The following TDRD7 variants were observed in gnomAD, a reference collection of about 807,000 sequenced individuals.
TDRD7 encodes the protein tudor domain-containing protein 7.
In TDRD7, 47 loss-of-function variants were observed where a neutral mutation model predicts 109.8. The ratio of observed to expected loss-of-function variants is 0.43; its 90% CI spans 0.34 to 0.55. The LOEUF (loss-of-function observed/expected upper bound fraction) is 0.55, where lower values mean the gene tolerates loss of function less well. Ranked by LOEUF, TDRD7 falls within the 20% of genes least tolerant of loss-of-function variation. The pLI, the probability that TDRD7 is intolerant of heterozygous loss-of-function variation, is 0.03. For missense variants in TDRD7, 1,164 were observed against 1,319.2 expected (o/e 0.88, Z 1.82); for synonymous variants, 424 against 457.3 (o/e 0.93, Z 0.93).
At chr9:97,453,439 A>G (rs570347540) in intron 6 of TDRD7, among the ~76,000 whole-genome samples, 20 of 152,166 alleles carry the variant, frequency 1.3e-4, no homozygotes, top group Admixed American at 1.2e-3. Context: ...AAAAACCATA[A>G]TAAGTGTGTG....
At chr9:97,425,222 G>A (rs1827967163) in intron 1 of TDRD7, among the ~76,000 whole-genome samples, 1 of 152,100 alleles carries the variant, frequency 6.6e-6, no homozygotes, top group Non-Finnish European at 1.5e-5. Flanking sequence ...TATAAAATGA[G>A]TTAATTTTAT....
At chr9:97,490,558 G>GT (rs893225460) in intron 16 of TDRD7, among the ~76,000 whole-genome samples, 4 of 137,232 alleles carry the variant, frequency 2.9e-5, no homozygotes, top group Non-Finnish European at 4.7e-5. Context: ...GTGGGGGGGG[G>GT]GGCATTTATC....
intron 3 of TDRD7, 79 bp from the exon 4 acceptor site, chr9:97,431,946 A>G (rs934381642): frequency 6.1e-6 from 8 of 1,306,290 alleles, no homozygotes; most frequent in African/African-American, 2.9e-5. Flanking sequence ...CACAGAAAAC[A>G]TCTGGTCAGG....
intron 1 of TDRD7, among the ~76,000 whole-genome samples, chr9:97,418,081 C>T (rs564644154): frequency 2.6e-5 from 4 of 152,176 alleles, no homozygotes; most frequent in East Asian, 3.9e-4. Context: ...GCGGAGATCA[C>T]GCCACTGCCC....
In TDRD7 at chr9:97,490,034, GCACA is replaced by G. The variant is rs139007849; in HGVS notation, c.3076+2714_3076+2717del. ...CAGATACATGCACATGTGCACACGT[GCACA>G]CACACACACACGCATACAGAATCAA... On this transcript the variant is annotated intron_variant, in intron 16 of 16. Coordinates refer to ENST00000355295, the MANE Select transcript of TDRD7 (RefSeq NM_014290.3). 1.4e-4 allele frequency among the ~76,000 whole-genome samples: 21 copies of G among 151,166 alleles called. No individual in the cohort carries two copies. The East Asian group carries it at 2.3e-3, about 17-fold the overall frequency.
intron 16 of TDRD7, among the ~76,000 whole-genome samples, chr9:97,494,556 TTTGC>T (rs1339402744): frequency 2.0e-5 from 3 of 152,138 alleles, no homozygotes; most frequent in Non-Finnish European, 4.4e-5. Context: ...ATTTAGCCCA[TTTGC>T]TATATAGATA....
At chr9:97,480,669 GCAGATGCTCAAAC>G (rs1829100812) in intron 13 of TDRD7, 146 bp from the exon 14 acceptor site, 2 of 692,270 alleles carry the variant, frequency 2.9e-6, no homozygotes, top group Non-Finnish European at 5.3e-6. Flanking sequence ...TAGGAACATA[GCAGATGCTCAAAC>G]CAGGAACTGT....
At chr9:97,420,650 G>A (rs1396801226) in intron 1 of TDRD7, among the ~76,000 whole-genome samples, 3 of 152,022 alleles carry the variant, frequency 2.0e-5, no homozygotes, top group Admixed American at 1.3e-4. Context: ...ACTGTATGGC[G>A]CTACTAGTTT....
At position 97,460,178 on chromosome 9, in the gene TDRD7, G is replaced by A. The variant is rs1294802689; in HGVS notation, c.856G>A (p.Val286Met). ...CATTTGCTTTATTTAAAAATTTCAGGTGGAGAAACCTTGCAGTGGTGGCCA... is the reference window on the plus strand; with the variant it reads ...CATTTGCTTTATTTAAAAATTTCAGATGGAGAAACCTTGCAGTGGTGGCCA... ...QFEHWPHICTVEKPCSGGQDL... is the reference protein window; with the variant it reads ...QFEHWPHICTMEKPCSGGQDL... The change falls in exon 7 of 17, where the codon GTG (valine) becomes ATG (methionine). Residue 286 changes from valine to methionine, a missense_variant and splice_region_variant. By Grantham distance (21) the Val-to-Met change is conservative. Around this residue, in one of 5 missense-constraint regions of TDRD7, gnomAD observed 407 missense variants for 394.0 expected, o/e 1.03. Coordinates refer to ENST00000355295, the MANE Select transcript of TDRD7 (RefSeq NM_014290.3). The A allele has an allele frequency of 1.2e-6, 2 of 1,613,960 alleles. No homozygotes were observed. Among genetic ancestry groups the A allele is most frequent in the African/African-American group, 2.7e-5 (2 of 74,928 alleles).
At chr9:97,479,903 TCTC>T (rs910277341) in intron 13 of TDRD7, among the ~76,000 whole-genome samples, 3 of 152,142 alleles carry the variant, frequency 2.0e-5, no homozygotes, top group Admixed American at 1.3e-4. Context: ...TTTGGGGCCT[TCTC>T]CTCTGCTGGC....
At chr9:97,461,743 G>T (rs936600804) in intron 7 of TDRD7, among the ~76,000 whole-genome samples, 15 of 152,236 alleles carry the variant, frequency 9.9e-5, no homozygotes, top group African/African-American at 3.6e-4. Flanking sequence ...GTGTGGCCAT[G>T]GCTGGGCAGA....
chr9:97,439,542 C>G (rs1828262976), intron 5 of TDRD7, among the ~76,000 whole-genome samples: 1 of 152,192 alleles, frequency 6.6e-6, no homozygotes, highest in African/African-American at 2.4e-5. Context: ...TTCCTCACCC[C>G]AGCCCTACTC....
chr9:97,464,718 A>T, intron 7 of TDRD7, 124 bp from the exon 8 acceptor site: 1 of 948,884 alleles, frequency 1.1e-6, no homozygotes, highest in Non-Finnish European at 1.7e-6. Flanking sequence ...CCCTGTTGAT[A>T]TAAGCAAGTC....
chr9:97,483,268 G>A lies in TDRD7; in HGVS notation c.2832G>A (p.Glu944=). The A allele has an allele frequency of 6.2e-7, 1 of 1,613,934 alleles. No homozygotes were observed. The highest frequency in any genetic ancestry group is 8.5e-7 in the Non-Finnish European group (1 of 1,179,962). ...ATAAGTTGGAAGTTCTGATGGAAGA[G>A]ATGATTCTATATTACAGCGTGTCTG... The part of the protein sequence containing the change: ...EIHKLEVLME[E]MILYYSVSEE... Residue 944 remains glutamate, a synonymous_variant, in exon 15 of 17, where the codon GAG becomes GAA. Transcript: ENST00000355295.
chr9:97,460,271 C>T lies in TDRD7; in HGVS notation c.949C>T (p.Pro317Ser), dbSNP rs1828687117. 2 of 1,614,048 alleles carry T rather than the reference C, an allele frequency of 1.2e-6. No homozygotes were observed. Among genetic ancestry groups the T allele is most frequent in the Non-Finnish European group, 8.5e-7 (1 of 1,180,034 alleles). Residue 317 changes from proline (P) to serine (S), a missense_variant, in exon 7 of 17, where the codon CCT becomes TCT. By Grantham distance (74) the Pro-to-Ser change is moderately conservative. Transcript: ENST00000355295. ...LRSELDTEKVPLSPLPGPKQT... is the reference protein window; with the variant it reads ...LRSELDTEKVSLSPLPGPKQT... ...AAGTGAACTGGATACTGAGAAAGTA[C>T]CTCTATCCCCACTACCTGGTCCCAA...
intron 16 of TDRD7, 34 bp downstream of exon 16, chr9:97,487,366 C>T (rs916918640): frequency 6.2e-7 from 1 of 1,613,386 alleles, no homozygotes; most frequent in Non-Finnish European, 8.5e-7. Context: ...CATGCTACAA[C>T]AATGCAATAT....
rs147550987 is a variant in TDRD7, at chr9:97,416,562, G to A, written c.-7+4324G>A. 3.3e-5 allele frequency among the ~76,000 whole-genome samples: 5 copies of A among 152,258 alleles called. No homozygotes were observed. In the East Asian group the frequency reaches 5.8e-4, roughly 18 times the overall value. ...TGTGGGCTCCTTGCAATCATGCTGC[G>A]GCCCTGACAGGGCCTAATCTGGCTC... is the stretch of plus-strand genomic sequence containing the variant. On this transcript the variant is annotated intron_variant, in intron 1 of 16. Coordinates refer to ENST00000355295, the MANE Select transcript of TDRD7 (RefSeq NM_014290.3).
rs116483974 is a variant in TDRD7, at chr9:97,446,893, C to T, written c.855+5018C>T. Among the ~76,000 whole-genome samples, 201 of 152,284 alleles carry T rather than the reference C, an allele frequency of 1.3e-3. 1 individual carries two copies. Among genetic ancestry groups the T allele is most frequent in the African/African-American group, 4.6e-3 (191 of 41,556 alleles). Reference sequence around the variant, plus strand: ...GAACATAAACAGCAATCGATATCCTCAGGCTTAGTGGTATTGAATATACTC... The same window carrying T: ...GAACATAAACAGCAATCGATATCCTTAGGCTTAGTGGTATTGAATATACTC... On this transcript the variant is annotated intron_variant, in intron 6 of 16. Coordinates refer to ENST00000355295, the MANE Select transcript of TDRD7 (RefSeq NM_014290.3).
intron 4 of TDRD7, among the ~76,000 whole-genome samples, chr9:97,437,151 A>G (rs550225845): frequency 1.1e-4 from 16 of 152,286 alleles, no homozygotes; most frequent in Admixed American, 2.0e-4. Context: ...ACAACAAGAC[A>G]CATTTTCTTA....
Sources: gnomAD v4.1 joint callset for allele counts (sites outside exome capture counted in the v4.1 genomes callset) on GRCh38, gnomAD v4.1.1 for gene constraint, gnomAD v4.1.1 regional missense constraint, MANE v1.5 for transcripts, NCBI Gene and HGNC (gene_info 2026-07-23, HGNC 2026-07-21) for gene names.